The following KLRG2 variants were observed in gnomAD, a reference collection of about 807,000 sequenced individuals.
KLRG2 encodes the protein killer cell lectin like receptor G2, also known as killer cell lectin-like receptor subfamily G member 2.
In KLRG2, 39 loss-of-function variants were observed where a neutral mutation model predicts 35.4. That is an observed-to-expected ratio of 1.10 (90% CI 0.85 to 1.44). KLRG2 has a LOEUF of 1.44. KLRG2 is among the 40% of genes most tolerant of loss of function. The pLI, the probability that KLRG2 is intolerant of heterozygous loss-of-function variation, is 0.00. For synonymous variants in KLRG2, 283 were observed against 265.8 expected, an observed-to-expected ratio of 1.06 and a Z score of -0.63; for missense variants, 632 against 570.9, an observed-to-expected ratio of 1.11 and a Z score of -1.09.
chr7:139,431,620 C>T, the KLRG2 span, among the ~76,000 whole-genome samples: 1 of 152,128 alleles, frequency 6.6e-6, no homozygotes, highest in African/African-American at 2.4e-5. Context: ...GCTAGGCCAG[C>T]CTGAGTCAGA....
At chr7:139,430,063 G>A in the KLRG2 span, among the ~76,000 whole-genome samples, 8 of 152,150 alleles carry the variant, frequency 5.3e-5, no homozygotes, top group Non-Finnish European at 7.4e-5. Context: ...TCAGATGGCC[G>A]TTGAGCACAT....
chr7:139,455,027 T>C (rs981880294), intron 3 of KLRG2, among the ~76,000 whole-genome samples: 2 of 151,544 alleles, frequency 1.3e-5, no homozygotes, highest in Admixed American at 6.6e-5. Flanking sequence ...TTTAAGATTT[T>C]TTTTTTTTTG....
chr7:139,433,625 C>CTTTTT, the KLRG2 span, among the ~76,000 whole-genome samples: 2 of 119,002 alleles, frequency 1.7e-5, no homozygotes, highest in Non-Finnish European at 3.4e-5. Context: ...TGCGCCCGGC[C>CTTTTT]TTTTTTTTTT....
rs1051891967 is a variant in KLRG2, at chr7:139,455,183, T to C, written c.1006-969A>G. Reference sequence around the variant, plus strand: ...ACAGGCATGCACCACCACACCCAGGTAATTTTCGTATTTTTAGTAGGGAAG... The same window carrying C: ...ACAGGCATGCACCACCACACCCAGGCAATTTTCGTATTTTTAGTAGGGAAG... On this transcript the variant is annotated intron_variant, in intron 3 of 4. Transcript: ENST00000340940. Among the ~76,000 whole-genome samples the C allele has an allele frequency of 5.3e-5, 8 of 151,594 alleles. 1 individual carries two copies. Among genetic ancestry groups the C allele is most frequent in the African/African-American group, 1.9e-4 (8 of 41,214 alleles).
In KLRG2 at chr7:139,482,989, G is replaced by C. The variant is rs1202408737; in HGVS notation, c.654C>G (p.Cys218Trp). ...CCAGCCCCAGCTCCTTGCAGCGGCA[G>C]CACGTGGGGGAGCCCGGGGAGCCGG... ...GSAGSPGSPT[C>W]CRCKELGLEK... is the part of the protein sequence containing the mutation. Residue 218 changes from cysteine (C) to tryptophan (W), a missense_variant, in exon 1 of 5, where the codon TGC becomes TGG. Coordinates refer to ENST00000340940, the MANE Select transcript of KLRG2 (RefSeq NM_198508.4). The C allele has an allele frequency of 7.2e-7, 1 of 1,398,130 alleles. No individual in the cohort carries two copies. Among genetic ancestry groups the C allele is most frequent in the Non-Finnish European group, 9.2e-7 (1 of 1,085,166 alleles). 86.6% of individuals were successfully genotyped at this position (1,398,130 alleles called of 1,614,324 possible). A position where few individuals can be genotyped will look rare whatever the true frequency, so the allele number is the denominator to read the frequency against.
At chr7:139,451,614 C>T (rs575120930), downstream of KLRG2, among the ~76,000 whole-genome samples, 1 of 152,274 alleles carries the variant, frequency 6.6e-6, no homozygotes, top group South Asian at 2.1e-4. Context: ...TGGCTTCCCA[C>T]TCCGCTGCCA....
downstream of KLRG2, chr7:139,448,598 CAGG>C (rs1329840710): frequency 1.3e-5 from 2 of 151,766 alleles, no homozygotes. Flanking sequence ...GAGGCTGAGG[CAGG>C]AGGATTGCTT....
rs187054796 is a variant in KLRG2 at position 139,464,248 on chromosome 7, C to G, written c.1006-10034G>C. On this transcript the variant is annotated intron_variant, in intron 3 of 4. Transcript: ENST00000340940. ...GCACCCCTTACCATCCCATTAAAAC[C>G]TAATCACCCATACCCCGCTAAACGC... Among the ~76,000 whole-genome samples, 54 of 152,260 alleles carry G rather than the reference C, an allele frequency of 3.5e-4. No individual in the cohort carries two copies. In the East Asian group the frequency reaches 9.3e-3, roughly 26 times the overall value.
intron 3 of KLRG2, among the ~76,000 whole-genome samples, chr7:139,470,982 A>G (rs1327244430): frequency 6.6e-6 from 1 of 151,536 alleles, no homozygotes; most frequent in Non-Finnish European, 1.5e-5. Context: ...AGCTGGGATT[A>G]CAGGTCCCCG....
chr7:139,450,390 A>AT (rs1226547389), downstream of KLRG2, among the ~76,000 whole-genome samples: 1 of 151,438 alleles, frequency 6.6e-6, no homozygotes, highest in African/African-American at 2.4e-5. Flanking sequence ...CGCCCGGCTA[A>AT]TTTTTTGTAT....
chr7:139,442,607 AG>A, the KLRG2 span, among the ~76,000 whole-genome samples: 54 of 152,334 alleles, frequency 3.5e-4, no homozygotes, highest in African/African-American at 1.3e-3. Flanking sequence ...GCACTTTGGG[AG>A]GCCATGGTGG....
At chr7:139,469,493 C>T (rs1796721373) in intron 3 of KLRG2, among the ~76,000 whole-genome samples, 1 of 151,374 alleles carries the variant, frequency 6.6e-6, no homozygotes, top group South Asian at 2.1e-4. Context: ...AGTTTCGCTC[C>T]GTCACCCAGT....
At chr7:139,452,219 G>T (rs1254625894), downstream of KLRG2, among the ~76,000 whole-genome samples, 11 of 151,796 alleles carry the variant, frequency 7.2e-5, no homozygotes, top group Admixed American at 6.6e-4. Context: ...CTTGTGATTC[G>T]CCCACCTCGG....
At chr7:139,431,829 T>C in the KLRG2 span, among the ~76,000 whole-genome samples, 2 of 152,066 alleles carry the variant, frequency 1.3e-5, no homozygotes, top group African/African-American at 2.4e-5. Flanking sequence ...AAAGTAGAGG[T>C]TGAAACTCAT....
chr7:139,430,418 A>C, the KLRG2 span, among the ~76,000 whole-genome samples: 1 of 152,096 alleles, frequency 6.6e-6, no homozygotes, highest in Non-Finnish European at 1.5e-5. Context: ...AAAAAAAGTT[A>C]AAACTATGAG....
At chr7:139,477,492 T>G (rs1024602774) in intron 3 of KLRG2, among the ~76,000 whole-genome samples, 31 of 152,278 alleles carry the variant, frequency 2.0e-4, no homozygotes, top group African/African-American at 5.5e-4. Context: ...AGACAAATAC[T>G]GTGCGATTCC....
chr7:139,483,083 G>C lies in KLRG2; in HGVS notation c.560C>G (p.Pro187Arg), dbSNP rs1432645341. ...SQGGTWGRRS[P>R]LAAARTESGC... ...GCTCTCCGTCCGGGCTGCAGCCAGC[G>C]GCGAGCGGCGGCCCCACGTGCCGCC... Residue 187 changes from proline to arginine, a missense_variant, in exon 1 of 5, where the codon CCG becomes CGG. Transcript: ENST00000340940. 20 of 1,423,018 alleles carry C rather than the reference G, an allele frequency of 1.4e-5. No individual in the cohort carries two copies. Among genetic ancestry groups the C allele is most frequent in the Non-Finnish European group, 1.5e-5 (17 of 1,098,808 alleles). 88.1% of individuals were successfully genotyped at this position (1,423,018 alleles called of 1,614,324 possible).
chr7:139,456,870 A>T (rs960377876), intron 3 of KLRG2, among the ~76,000 whole-genome samples: 3 of 152,166 alleles, frequency 2.0e-5, no homozygotes, highest in African/African-American at 7.2e-5. Flanking sequence ...CTTACTCAGC[A>T]TCGCACTATG....
At chr7:139,459,242 G>A (rs67240585) in intron 3 of KLRG2, among the ~76,000 whole-genome samples, 22,737 of 152,228 alleles carry the variant, frequency 0.15, 1,876 homozygotes, top group Middle Eastern at 0.19. Context: ...CATCTGAGGT[G>A]AACCTGTCTG....
Sources: gnomAD v4.1 joint callset for allele counts (sites outside exome capture counted in the v4.1 genomes callset) on GRCh38, gnomAD v4.1.1 for gene constraint, MANE v1.5 for transcripts, NCBI Gene and HGNC (gene_info 2026-07-23, HGNC 2026-07-21) for gene names.